FOXN3: variants seen among roughly 807,000 people sequenced by gnomAD.
FOXN3 encodes the protein forkhead box protein N3.
In FOXN3, 7 loss-of-function variants were observed where a neutral mutation model predicts 38.4. That is an observed-to-expected ratio of 0.18 (90% confidence interval 0.10 to 0.34). The LOEUF is 0.34. Among genes scored for constraint, FOXN3 ranks in the 10% least tolerant of loss-of-function variants. The pLI is 1.00. For synonymous variants in FOXN3, 230 were observed against 242.2 expected (o/e 0.95, Z 0.47); for missense variants, 456 against 613.4 (o/e 0.74, Z 2.71).
intron 3 of FOXN3, among the ~76,000 whole-genome samples, chr14:89,308,188 C>T (rs1887432430): frequency 6.6e-6 from 1 of 152,208 alleles, no homozygotes; most frequent in Admixed American, 6.5e-5. Context: ...TCATTTGAAC[C>T]TGGGAGGTGA....
At chr14:89,305,721 C>T (rs1191773115) in intron 3 of FOXN3, among the ~76,000 whole-genome samples, 1 of 152,088 alleles carries the variant, frequency 6.6e-6, no homozygotes, top group Admixed American at 6.5e-5. Context: ...TATTTAAAAG[C>T]CTTATATTTA....
At chr14:89,346,204 G>C (rs1439781026) in intron 3 of FOXN3, among the ~76,000 whole-genome samples, 1 of 152,166 alleles carries the variant, frequency 6.6e-6, no homozygotes, top group Non-Finnish European at 1.5e-5. Context: ...ATTTAGGTTG[G>C]TTCCATATCT....
chr14:89,243,749 A>G (rs1885208538), intron 4 of FOXN3, among the ~76,000 whole-genome samples: 1 of 152,246 alleles, frequency 6.6e-6, no homozygotes, highest in South Asian at 2.1e-4. Flanking sequence ...GCTTCAAAAA[A>G]TTACCTCAAC....
chr14:89,552,704 C>T (rs1210763237), intron 1 of FOXN3, among the ~76,000 whole-genome samples: 2 of 152,184 alleles, frequency 1.3e-5, no homozygotes, highest in Admixed American at 6.5e-5. Context: ...ACTAAAAATA[C>T]AAAAGTTAGC....
rs1010155569 is a variant in FOXN3, at chr14:89,294,826, C to T, written c.681-13812G>A. Among the ~76,000 whole-genome samples, 104 of 152,192 alleles carry T rather than the reference C, an allele frequency of 6.8e-4. 1 individual carries two copies. The highest frequency in any genetic ancestry group is 2.4e-3 in the African/African-American group (99 of 41,446). ...AAGAAATAACCATAAAAATGGGCAG[C>T]CAGCAGCCCTCCGGACTGCTCTATA... On this transcript the variant is annotated intron_variant, in intron 3 of 5. Coordinates refer to ENST00000557258, the MANE Select transcript of FOXN3 (RefSeq NM_005197.4).
chr14:89,288,654 GTAATAGGCACTCT>G (rs1886719161), intron 3 of FOXN3, among the ~76,000 whole-genome samples: 2 of 68,224 alleles, frequency 2.9e-5, no homozygotes, highest in Non-Finnish European at 5.6e-5. Context: ...TCCAAAGGCT[GTAATAGGCACTCT>G]CTTTCTCTCT....
chr14:89,301,827 G>A (rs1355103421), intron 3 of FOXN3, among the ~76,000 whole-genome samples: 1 of 152,086 alleles, frequency 6.6e-6, no homozygotes, highest in Admixed American at 6.5e-5. Flanking sequence ...ACAAAGTACT[G>A]TGATGGGCAT....
chr14:89,566,816 T>A (rs1051114840), intron 1 of FOXN3, among the ~76,000 whole-genome samples: 4 of 150,092 alleles, frequency 2.7e-5, no homozygotes, highest in Non-Finnish European at 4.4e-5. Context: ...CACCTCCTCA[T>A]CCCCTACTCC....
rs1886867062 is a variant in FOXN3 at position 89,291,392 on chromosome 14, G to C, written c.681-10378C>G. ...TTCTGCATAAGTCTCCATGTCACCA[G>C]CAAGGATGCTACTGTTCTTTAAAAA... On this transcript the variant is annotated intron_variant, in intron 3 of 5. Coordinates refer to ENST00000557258, the MANE Select transcript of FOXN3 (RefSeq NM_005197.4). 8.3e-6 allele frequency: 5 copies of C among 602,410 alleles called. No homozygotes were observed. In the African/African-American group the frequency reaches 9.3e-5, roughly 11 times the overall value. The allele number at this position is 602,410 out of a possible 1,614,324, so 37.3% of individuals were successfully genotyped here.
chr14:89,498,510 C>T lies in FOXN3; in HGVS notation c.-14-86020G>A, dbSNP rs969815124. Among the ~76,000 whole-genome samples the T allele has an allele frequency of 4.6e-5, 7 of 152,208 alleles. No individual in the cohort carries two copies. The East Asian group carries it at 5.8e-4, about 13-fold the overall frequency. Reference sequence around the variant, plus strand: ...TGCTGGGATTACAGGCGTGAGCCACCGCGCCCAGCCCTCTGTCTGGCTGCT... The same window carrying T: ...TGCTGGGATTACAGGCGTGAGCCACTGCGCCCAGCCCTCTGTCTGGCTGCT... On this transcript the variant is annotated intron_variant, in intron 1 of 6. Coordinates refer to the FOXN3 transcript ENST00000345097.
At chr14:89,489,188 T>C (rs747208965) in intron 1 of FOXN3, among the ~76,000 whole-genome samples, 44 of 152,180 alleles carry the variant, frequency 2.9e-4, no homozygotes, top group Non-Finnish European at 4.3e-4. Flanking sequence ...CTAAACCCCC[T>C]GAACCTCAGT....
intron 2 of FOXN3, among the ~76,000 whole-genome samples, chr14:89,376,856 A>G (rs1890490934): frequency 6.6e-6 from 1 of 151,764 alleles, no homozygotes; most frequent in African/African-American, 2.4e-5. Context: ...TCTACTAAAA[A>G]TACAAAAATT....
chr14:89,471,825 C>T (rs905486031), intron 1 of FOXN3, among the ~76,000 whole-genome samples: 2 of 146,562 alleles, frequency 1.4e-5, no homozygotes, highest in Non-Finnish European at 2.9e-5. Context: ...GGAACCAGCA[C>T]CTGGTTCGTC....
rs1190799072 is a variant in FOXN3, at chr14:89,484,916, C to T, written c.-14-72426G>A. 6.6e-6 allele frequency among the ~76,000 whole-genome samples: 1 copy of T among 152,016 alleles called. No homozygotes were observed. The highest frequency in any genetic ancestry group is 1.5e-5 in the Non-Finnish European group (1 of 67,982). ...ACTTTGGAGAACGTGCCTTGGGAGG[C>T]CAAGGCAGGAGGATCACTTGAGGTC... On this transcript the variant is annotated intron_variant, in intron 1 of 6. Transcript: ENST00000345097. This position sits in a 1 kb window ranked among gnomAD's most constrained non-coding sequence, Gnocchi z 4.0.
chr14:89,538,415 G>T (rs1359292515), intron 1 of FOXN3, among the ~76,000 whole-genome samples: 1 of 152,214 alleles, frequency 6.6e-6, no homozygotes, highest in Non-Finnish European at 1.5e-5. Context: ...AGGAGTCCAG[G>T]TAAAGAATAA....
intron 1 of FOXN3, among the ~76,000 whole-genome samples, chr14:89,506,489 C>T (rs572700392): frequency 2.6e-4 from 38 of 148,120 alleles, no homozygotes; most frequent in Non-Finnish European, 4.5e-4. Flanking sequence ...GCCGCCCCGT[C>T]CGGGAGGGAG....
At chr14:89,541,495 A>G (rs1180690832) in intron 1 of FOXN3, among the ~76,000 whole-genome samples, 1 of 152,222 alleles carries the variant, frequency 6.6e-6, no homozygotes, top group Non-Finnish European at 1.5e-5. Flanking sequence ...TATAAATGCC[A>G]CAGCAATGTC....
chr14:89,340,036 A>C (rs2139996972), intron 3 of FOXN3, among the ~76,000 whole-genome samples: 1 of 152,306 alleles, frequency 6.6e-6, no homozygotes, highest in Non-Finnish European at 1.5e-5. Flanking sequence ...AAAACAAACA[A>C]ACAAAAAGCT....
intron 4 of FOXN3, among the ~76,000 whole-genome samples, chr14:89,216,239 G>A (rs1277344215): frequency 1.3e-5 from 2 of 152,194 alleles, no homozygotes; most frequent in Admixed American, 1.3e-4. Flanking sequence ...GCAATAAAAG[G>A]CTTTATGCTC....
Sources: allele counts gnomAD v4.1 joint callset (sites outside exome capture counted in the v4.1 genomes callset), GRCh38; gene constraint gnomAD v4.1.1; non-coding constraint Gnocchi (gnomAD v3.1); transcripts MANE v1.5; gene names NCBI Gene and HGNC (gene_info 2026-07-23, HGNC 2026-07-21).